The following CDC14A variants were observed in gnomAD, a reference collection of about 807,000 sequenced individuals.
CDC14A encodes the protein dual specificity protein phosphatase CDC14A.
In CDC14A, 53 loss-of-function variants were observed where a neutral mutation model predicts 74.4. That is an observed-to-expected ratio of 0.71 (90% CI 0.57 to 0.89). The LOEUF (loss-of-function observed/expected upper bound fraction) is 0.89, where lower values mean the gene tolerates loss of function less well. Ranked by LOEUF, CDC14A falls within the 40% of genes least tolerant of loss-of-function variation. The probability of loss-of-function intolerance (pLI) is 0.00; values close to 1 mark genes in which losing one functional copy is unlikely to be tolerated. For missense variants in CDC14A, 646 were observed against 713.7 expected (o/e 0.91, Z 1.08); for synonymous variants, 247 against 258.4 (o/e 0.96, Z 0.43).
At chr1:100,499,379 A>G in intron 15 of CDC14A, 117 bp downstream of exon 15, 1 of 1,606,990 alleles carries the variant, frequency 6.2e-7, no homozygotes, top group Non-Finnish European at 8.5e-7. Flanking sequence ...AAGCCTTCTG[A>G]GCGATGCCTT....
intron 4 of CDC14A, chr1:100,424,005 C>A: frequency 2.0e-6 from 1 of 490,744 alleles, no homozygotes; most frequent in East Asian, 3.7e-5. Flanking sequence ...CTTCATGGAT[C>A]TGCCCTCTGT....
intron 3 of CDC14A, among the ~76,000 whole-genome samples, chr1:100,382,259 G>A (rs1480529372): frequency 1.5e-5 from 2 of 135,616 alleles, no homozygotes; most frequent in Non-Finnish European, 3.1e-5. Context: ...TGCGTCACCT[G>A]GGCTGGAGTG....
intron 7 of CDC14A, among the ~76,000 whole-genome samples, chr1:100,452,927 A>G (rs1666294717): frequency 6.6e-6 from 1 of 152,208 alleles, no homozygotes; most frequent in South Asian, 2.1e-4. Context: ...AAAGTATTTT[A>G]TTATTGATAA....
intron 11 of CDC14A, among the ~76,000 whole-genome samples, chr1:100,491,548 C>CTCTCTCTCTATATA (rs1223420176): frequency 7.7e-5 from 3 of 38,760 alleles, no homozygotes; most frequent in East Asian, 1.2e-3. Flanking sequence ...CTCTCTCTCT[C>CTCTCTCTCTATATA]TATATATATA....
intron 5 of CDC14A, among the ~76,000 whole-genome samples, chr1:100,430,589 T>G (rs1439027490): frequency 6.6e-6 from 1 of 152,234 alleles, no homozygotes; most frequent in Non-Finnish European, 1.5e-5. Context: ...CTCAAAAAGT[T>G]GGTCAACCAC....
chr1:100,367,045 C>T (rs1189927142), intron 2 of CDC14A, among the ~76,000 whole-genome samples: 1 of 152,180 alleles, frequency 6.6e-6, no homozygotes, highest in Non-Finnish European at 1.5e-5. Context: ...TTGGCTGTGG[C>T]TCTGGAAGCC....
chr1:100,351,796 AT>A (rs1240570482), upstream of CDC14A: 1 of 1,550,528 alleles, frequency 6.4e-7, no homozygotes, highest in South Asian at 1.2e-5. Context: ...AGTACAAGTT[AT>A]ATCAGAGTCT....
intron 8 of CDC14A, among the ~76,000 whole-genome samples, chr1:100,456,986 C>T (rs1666765945): frequency 2.0e-5 from 3 of 152,160 alleles, no homozygotes; most frequent in African/African-American, 7.2e-5. Flanking sequence ...TGTTGAGAGC[C>T]TGAGGAAACT....
intron 15 of CDC14A, among the ~76,000 whole-genome samples, chr1:100,503,903 C>CT (rs1649000444): frequency 6.6e-6 from 1 of 152,214 alleles, no homozygotes; most frequent in African/African-American, 2.4e-5. Context: ...CACTGGATTA[C>CT]TAGTCATCTA....
At chr1:100,474,574 T>C (rs539736562) in intron 10 of CDC14A, among the ~76,000 whole-genome samples, 2 of 151,186 alleles carry the variant, frequency 1.3e-5, no homozygotes, top group South Asian at 4.2e-4. Context: ...TTAGTCCGTT[T>C]CATCTAAATT....
intron 5 of CDC14A, among the ~76,000 whole-genome samples, chr1:100,424,523 T>C (rs1367918898): frequency 6.6e-6 from 1 of 152,234 alleles, no homozygotes; most frequent in Non-Finnish European, 1.5e-5. Flanking sequence ...TTTCTTTGAA[T>C]CCTTTCTATA....
At chr1:100,482,755 C>CT (rs1669610374) in intron 10 of CDC14A, among the ~76,000 whole-genome samples, 1 of 151,372 alleles carries the variant, frequency 6.6e-6, no homozygotes, top group African/African-American at 2.4e-5. Flanking sequence ...GATTTTTATT[C>CT]TTTTCAACCT....
At chr1:100,458,537 C>G (rs993892013) in intron 8 of CDC14A, among the ~76,000 whole-genome samples, 1 of 152,112 alleles carries the variant, frequency 6.6e-6, no homozygotes, top group Non-Finnish European at 1.5e-5. Flanking sequence ...TGCTATTTTA[C>G]TGGAATTTCC....
At chr1:100,449,299 G>T (rs892036449) in intron 7 of CDC14A, among the ~76,000 whole-genome samples, 2 of 152,070 alleles carry the variant, frequency 1.3e-5, no homozygotes, top group African/African-American at 4.8e-5. Flanking sequence ...TTACTATCAG[G>T]GTGTAGGTTT....
chr1:100,373,226 A>G lies in CDC14A; in HGVS notation c.141-4320A>G, dbSNP rs894436879. Among the ~76,000 whole-genome samples, 14 of 152,104 alleles carry G rather than the reference A, an allele frequency of 9.2e-5. No homozygotes were observed. In the South Asian group the frequency reaches 1.0e-3, roughly 11 times the overall value. ...GGTTATTAATTGGCCTGATTTCAAT[A>G]TTGTTGTGTCTCAGGGAATAGGGAG... On this transcript the variant is annotated intron_variant, in intron 2 of 15. Coordinates refer to ENST00000336454, the MANE Select transcript of CDC14A (RefSeq NM_003672.4).
At chr1:100,355,514 C>T (rs1343519104) in intron 2 of CDC14A, among the ~76,000 whole-genome samples, 1 of 152,168 alleles carries the variant, frequency 6.6e-6, no homozygotes, top group African/African-American at 2.4e-5. Flanking sequence ...GATAGGCCTA[C>T]AAATCATATT....
intron 4 of CDC14A, among the ~76,000 whole-genome samples, chr1:100,420,063 C>CACACACACATATATATATATAT: frequency 4.9e-5 from 3 of 61,596 alleles, no homozygotes; most frequent in East Asian, 5.4e-4. Flanking sequence ...CACACACACA[C>CACACACACATATATATATATAT]ATATATATAT....
At chr1:100,490,930 A>G (rs1443713753) in intron 11 of CDC14A, among the ~76,000 whole-genome samples, 3 of 152,210 alleles carry the variant, frequency 2.0e-5, no homozygotes, top group East Asian at 1.9e-4. Flanking sequence ...AAACATTGCT[A>G]GTTGGAATTT....
chr1:100,499,258 T>C lies in CDC14A; in HGVS notation c.1751T>C (p.Ile584Thr). Residue 584 changes from isoleucine (I) to threonine (T), a missense_variant, in exon 15 of 16, where the codon ATC becomes ACC. Physicochemically the swap from Ile to Thr is moderately conservative, Grantham distance 89 (BLOSUM62 -1). Coordinates refer to ENST00000336454, the MANE Select transcript of CDC14A (RefSeq NM_003672.4). Reference protein sequence around the residue: ...SSSARFLSRSIPSLQSEYVHY With the variant: ...SSSARFLSRSTPSLQSEYVHY ...TCAGCGAGATTCCTGAGCCGTTCTATCCCTGTAAGTGCGCAGACACCACCT... is the reference window on the plus strand; with the variant it reads ...TCAGCGAGATTCCTGAGCCGTTCTACCCCTGTAAGTGCGCAGACACCACCT... 6.2e-7 allele frequency: 1 copy of C among 1,614,164 alleles called. No individual in the cohort carries two copies.
Sources: allele counts gnomAD v4.1 joint callset (sites outside exome capture counted in the v4.1 genomes callset), GRCh38; gene constraint gnomAD v4.1.1; transcripts MANE v1.5; gene names NCBI Gene and HGNC (gene_info 2026-07-23, HGNC 2026-07-21).